The following ARL8A variants were observed in gnomAD, a reference collection of about 807,000 sequenced individuals.
The protein encoded by ARL8A is ARF like GTPase 8A.
Under a neutral mutation model 31.2 loss-of-function variants are expected in ARL8A, and 10 were observed. That is an observed-to-expected ratio of 0.32 (90% CI 0.20 to 0.54). The LOEUF is 0.54. Among genes scored for constraint, ARL8A ranks in the 20% least tolerant of loss-of-function variants. ARL8A has a pLI of 0.93. For synonymous variants in ARL8A, 70 were observed against 86.9 expected, an observed-to-expected ratio of 0.81 and a Z score of 1.08; for missense variants, 129 against 242.8, an observed-to-expected ratio of 0.53 and a Z score of 3.12.
chr1:202,140,019 G>A (rs1185803695), intron 1 of ARL8A, among the ~76,000 whole-genome samples: 1 of 152,128 alleles, frequency 6.6e-6, no homozygotes, highest in Non-Finnish European at 1.5e-5. Flanking sequence ...GTTACATAAA[G>A]AGATCAGGGG....
At chr1:202,137,576 C>T (rs1655045008) in intron 3 of ARL8A, among the ~76,000 whole-genome samples, 1 of 151,406 alleles carries the variant, frequency 6.6e-6, no homozygotes, top group South Asian at 2.1e-4. Flanking sequence ...TGTGGTGAGC[C>T]GAGATCGCAC....
At position 202,134,225 on chromosome 1, in the gene ARL8A, G is replaced by A; in HGVS notation, c.*242C>T. 2 of 538,244 alleles carry A rather than the reference G, an allele frequency of 3.7e-6. No individual in the cohort carries two copies. The highest frequency in any genetic ancestry group is 6.7e-6 in the Non-Finnish European group (2 of 297,558). 33.3% of individuals were successfully genotyped at this position (538,244 alleles called of 1,614,324 possible). On this transcript the variant is annotated 3_prime_UTR_variant, in exon 7 of 7. Coordinates refer to ENST00000272217, the MANE Select transcript of ARL8A (RefSeq NM_138795.4). This position sits in a 1 kb window ranked among gnomAD's most constrained non-coding sequence, Gnocchi z 4.2. ...GGCTGCTGGGAGGGAGGCAGGGCTG[G>A]GTGATGGGACAAAGGCAGCGGGGAA...
At chr1:202,142,924 A>G (rs543448688) in intron 1 of ARL8A, among the ~76,000 whole-genome samples, 4 of 152,310 alleles carry the variant, frequency 2.6e-5, no homozygotes, top group Non-Finnish European at 4.4e-5. Flanking sequence ...CCTAGAACCC[A>G]AGCCACCTAG....
intron 1 of ARL8A, among the ~76,000 whole-genome samples, chr1:202,140,416 C>T (rs1336551361): frequency 6.6e-6 from 1 of 151,786 alleles, no homozygotes; most frequent in East Asian, 1.9e-4. Flanking sequence ...GCTGGGATTA[C>T]AGGCGTGAGC....
Position 202,138,244 on chromosome 1 carries a change from C to T in ARL8A, c.204+124G>A, listed in dbSNP as rs1459337300. The T allele has an allele frequency of 2.4e-6, 3 of 1,232,312 alleles. No individual in the cohort carries two copies. Among genetic ancestry groups the T allele is most frequent in the Non-Finnish European group, 3.5e-6 (3 of 861,020 alleles). The allele number at this position is 1,232,312 out of a possible 1,614,324, so 76.3% of individuals were successfully genotyped here. On this transcript the variant is annotated intron_variant, in intron 2 of 6. Transcript: ENST00000272217. This position sits in a 1 kb window ranked among gnomAD's most constrained non-coding sequence, Gnocchi z 4.4. ...AGCTCCTCAGCAGGGGGACCCTGGC[C>T]TCTGCCCCACTTCAGCTCGCTCCTC...
At position 202,135,651 on chromosome 1, in the gene ARL8A, C is replaced by T; in HGVS notation, c.372+56G>A. On this transcript the variant is annotated intron_variant, in intron 4 of 6. Coordinates refer to ENST00000272217, the MANE Select transcript of ARL8A (RefSeq NM_138795.4). The surrounding 1 kb of genome is among the most constrained non-coding windows in gnomAD (Gnocchi z 5.3). ...CTACCATGCCTGGCTTTTACCTGCT[C>T]CCAGTGACTTCCCAGCCGAGCTCCC... 6.3e-7 allele frequency: 1 copy of T among 1,588,118 alleles called. No homozygotes were observed. Among genetic ancestry groups the T allele is most frequent in the Admixed American group, 1.7e-5 (1 of 59,910 alleles).
In ARL8A at chr1:202,135,124, T is replaced by G; in HGVS notation, c.511+26A>C. Reference sequence around the variant, plus strand: ...AACACTCAGAAATGCCTCTCCCCTCTCCTCCCTTTCCCCCATCCTACGCAC... The same window carrying G: ...AACACTCAGAAATGCCTCTCCCCTCGCCTCCCTTTCCCCCATCCTACGCAC... On this transcript the variant is annotated intron_variant, in intron 6 of 6. Transcript: ENST00000272217. This position sits in a 1 kb window ranked among gnomAD's most constrained non-coding sequence, Gnocchi z 5.3. 6.2e-7 allele frequency: 1 copy of G among 1,604,062 alleles called. No homozygotes were observed. The highest frequency in any genetic ancestry group is 8.5e-7 in the Non-Finnish European group (1 of 1,170,930).
intron 1 of ARL8A, among the ~76,000 whole-genome samples, chr1:202,139,010 G>A (rs913236547): frequency 3.3e-5 from 5 of 152,172 alleles, no homozygotes; most frequent in Non-Finnish European, 5.9e-5. Context: ...TATATCGTCT[G>A]CTTATTTATC....
chr1:202,139,272 C>T (rs1655099877), intron 1 of ARL8A, among the ~76,000 whole-genome samples: 1 of 152,156 alleles, frequency 6.6e-6, no homozygotes, highest in Admixed American at 6.5e-5. Context: ...CCCTTGGAAG[C>T]AGGCTAAAGA....
chr1:202,144,625 C>T lies in ARL8A; in HGVS notation c.-53G>A, dbSNP rs1238797779. 7.5e-7 allele frequency: 1 copy of T among 1,325,036 alleles called. No individual in the cohort carries two copies. Among genetic ancestry groups the T allele is most frequent in the Non-Finnish European group, 9.8e-7 (1 of 1,015,936 alleles). 82.1% of individuals were successfully genotyped at this position (1,325,036 alleles called of 1,614,324 possible). Reference sequence around the variant, plus strand: ...CCAGGTCCCCGCCGCCCCTCGCTGCCCTCGCGCTGCGGCCCGGAGCGGCCC... The same window carrying T: ...CCAGGTCCCCGCCGCCCCTCGCTGCTCTCGCGCTGCGGCCCGGAGCGGCCC... On this transcript the variant is annotated 5_prime_UTR_variant, in exon 1 of 7. Coordinates refer to ENST00000272217, the MANE Select transcript of ARL8A (RefSeq NM_138795.4). This position sits in a 1 kb window ranked among gnomAD's most constrained non-coding sequence, Gnocchi z 5.2.
At chr1:202,142,918 G>C (rs1655198551) in intron 1 of ARL8A, among the ~76,000 whole-genome samples, 2 of 152,132 alleles carry the variant, frequency 1.3e-5, no homozygotes. Context: ...TAAACGCCTA[G>C]AACCCAAGCC....
At chr1:202,136,722 A>G (rs532155605) in intron 3 of ARL8A, among the ~76,000 whole-genome samples, 85 of 152,274 alleles carry the variant, frequency 5.6e-4, no homozygotes, top group Non-Finnish European at 4.1e-4. Context: ...GGTGCGTGCT[A>G]CCAGGCTCAG....
At chr1:202,136,009 G>T (rs1654995571) in intron 3 of ARL8A, among the ~76,000 whole-genome samples, 1 of 152,112 alleles carries the variant, frequency 6.6e-6, no homozygotes, top group Non-Finnish European at 1.5e-5. Context: ...GACTCCTTAG[G>T]CCTGCCATTA....
chr1:202,139,555 A>G (rs1030581198), intron 1 of ARL8A, among the ~76,000 whole-genome samples: 11 of 148,616 alleles, frequency 7.4e-5, no homozygotes, highest in Non-Finnish European at 1.5e-4. Flanking sequence ...CCTGGGTGAC[A>G]GAGCAAGACT....
At chr1:202,143,834 G>A (rs1475267164) in intron 1 of ARL8A, among the ~76,000 whole-genome samples, 3 of 152,198 alleles carry the variant, frequency 2.0e-5, no homozygotes, top group African/African-American at 4.8e-5. Flanking sequence ...CTGGACCCCC[G>A]GCTAGACACT....
At chr1:202,139,618 T>G (rs1571721363) in intron 1 of ARL8A, among the ~76,000 whole-genome samples, 6 of 129,902 alleles carry the variant, frequency 4.6e-5, no homozygotes, top group Admixed American at 8.2e-5. Context: ...AACCTGAGGG[T>G]GATAGCCCTG....
In ARL8A at chr1:202,133,696, C is replaced by G. The variant is rs7520159; in HGVS notation, c.*771G>C. 1 of 152,224 alleles carries G rather than the reference C, an allele frequency of 6.6e-6. No individual in the cohort carries two copies. Among genetic ancestry groups the G allele is most frequent in the Admixed American group, 6.5e-5 (1 of 15,274 alleles). 9.4% of individuals were successfully genotyped at this position (152,224 alleles called of 1,614,324 possible). ...CCTGGGGAGGGGCGGGAGCTGGGAG[C>G]CAGGAACAGGCAGGAGGGGGCTGCT... On this transcript the variant is annotated 3_prime_UTR_variant, in exon 7 of 7. Coordinates refer to ENST00000272217, the MANE Select transcript of ARL8A (RefSeq NM_138795.4).
Position 202,144,697 on chromosome 1 carries a change from C to G in ARL8A, c.-125G>C, listed in dbSNP as rs543154396. The G allele has an allele frequency of 2.0e-6, 2 of 1,003,444 alleles. No individual in the cohort carries two copies. Among genetic ancestry groups the G allele is most frequent in the Non-Finnish European group, 2.4e-6 (2 of 831,186 alleles). The allele number at this position is 1,003,444 out of a possible 1,614,324, so 62.2% of individuals were successfully genotyped here. ...CCGCGGCTCGGTGCGGGCGGAGGCT[C>G]GAGCGCGGCTGCCGACGACTCGCTG... is the stretch of plus-strand genomic sequence containing the variant. On this transcript the variant is annotated 5_prime_UTR_variant, in exon 1 of 7. Transcript: ENST00000272217. This position sits in a 1 kb window ranked among gnomAD's most constrained non-coding sequence, Gnocchi z 5.2.
intron 3 of ARL8A, among the ~76,000 whole-genome samples, chr1:202,136,872 T>G (rs567933682): frequency 1.3e-5 from 2 of 152,238 alleles, no homozygotes; most frequent in East Asian, 3.9e-4. Flanking sequence ...TCCTTTTTTT[T>G]GAGACAGAGT....
Sources: allele counts gnomAD v4.1 joint callset (sites outside exome capture counted in the v4.1 genomes callset), GRCh38; gene constraint gnomAD v4.1.1; non-coding constraint Gnocchi (gnomAD v3.1); transcripts MANE v1.5; gene names NCBI Gene and HGNC (gene_info 2026-07-23, HGNC 2026-07-21).